Variants in RORB observed in about 807,000 individuals in gnomAD.
RORB encodes RAR related orphan receptor B.
Under a neutral mutation model 59.1 loss-of-function variants are expected in RORB, and 6 were observed. The observed-to-expected ratio is 0.10, with a 90% CI of 0.06 to 0.20. The LOEUF is 0.20. Ranked by LOEUF, RORB falls within the 10% of genes least tolerant of loss-of-function variation. The pLI is 1.00. For missense variants in RORB, 320 were observed against 560.5 expected (o/e 0.57, Z 4.33); for synonymous variants, 215 against 204.5 (o/e 1.05, Z -0.44).
chr9:74,619,442 G>A (rs1476829521), intron 1 of RORB, among the ~76,000 whole-genome samples: 3 of 152,108 alleles, frequency 2.0e-5, no homozygotes, highest in Non-Finnish European at 4.4e-5. Context: ...ATAAGTAGAT[G>A]TTGGCTGAGT....
At chr9:74,648,498 A>AGTAG (rs1180795486) in intron 4 of RORB, among the ~76,000 whole-genome samples, 3 of 152,212 alleles carry the variant, frequency 2.0e-5, no homozygotes, top group Admixed American at 6.5e-5. Flanking sequence ...CACAGATAAG[A>AGTAG]GTAGGGTAGA....
intron 1 of RORB, among the ~76,000 whole-genome samples, chr9:74,624,233 A>G (rs1003541515): frequency 6.6e-6 from 1 of 152,236 alleles, no homozygotes; most frequent in Non-Finnish European, 1.5e-5. Flanking sequence ...TTTAGGAGCT[A>G]TCAGCCATTG....
At chr9:74,550,848 A>G (rs966094661) in intron 1 of RORB, among the ~76,000 whole-genome samples, 1 of 152,236 alleles carries the variant, frequency 6.6e-6, no homozygotes, top group Non-Finnish European at 1.5e-5. Context: ...AAATGTGGCC[A>G]GTCCAAATTG....
At chr9:74,561,379 A>T (rs1482313773) in intron 1 of RORB, among the ~76,000 whole-genome samples, 6 of 152,156 alleles carry the variant, frequency 3.9e-5, no homozygotes, top group Admixed American at 3.9e-4. Flanking sequence ...TTTATAAATA[A>T]CATAAGCCTA....
intron 2 of RORB, among the ~76,000 whole-genome samples, chr9:74,633,249 G>T (rs896457454): frequency 6.6e-6 from 1 of 152,092 alleles, no homozygotes; most frequent in Non-Finnish European, 1.5e-5. Flanking sequence ...AATTTTAGGC[G>T]ACCTTTAAAT....
chr9:74,553,184 G>A lies in RORB; in HGVS notation c.7+55201G>A, dbSNP rs75873466. Among the ~76,000 whole-genome samples, 27 of 152,160 alleles carry A rather than the reference G, an allele frequency of 1.8e-4. No individual in the cohort carries two copies. The East Asian group carries it at 5.2e-3, about 29-fold the overall frequency. Reference sequence around the variant, plus strand: ...AGTGGAAGCAGGAAGACCAATTTTCGGTAGTCCTGGCGGGAGCAGATGGGT... The same window carrying A: ...AGTGGAAGCAGGAAGACCAATTTTCAGTAGTCCTGGCGGGAGCAGATGGGT... On this transcript the variant is annotated intron_variant, in intron 1 of 9. Coordinates refer to ENST00000376896, the MANE Select transcript of RORB (RefSeq NM_006914.4).
chr9:74,562,109 C>T (rs1336196203), intron 1 of RORB, among the ~76,000 whole-genome samples: 1 of 152,140 alleles, frequency 6.6e-6, no homozygotes, highest in African/African-American at 2.4e-5. Context: ...AGATCATTTG[C>T]TTAAGGTGGG....
chr9:74,578,512 C>T (rs1822670590), intron 1 of RORB, among the ~76,000 whole-genome samples: 1 of 152,102 alleles, frequency 6.6e-6, no homozygotes, highest in East Asian at 1.9e-4. Context: ...AACAAACCTG[C>T]ACATGTACCT....
At chr9:74,562,875 T>A (rs1443625109) in intron 1 of RORB, among the ~76,000 whole-genome samples, 1 of 152,240 alleles carries the variant, frequency 6.6e-6, no homozygotes. Context: ...TTTATCACTG[T>A]TGCTGTTTCA....
chr9:74,569,129 C>T (rs2118221389), intron 1 of RORB, among the ~76,000 whole-genome samples: 1 of 151,814 alleles, frequency 6.6e-6, no homozygotes, highest in Admixed American at 6.5e-5. Context: ...TCACCAGACA[C>T]AAATGAAAAA....
chr9:74,583,818 G>T (rs564860418), intron 1 of RORB, among the ~76,000 whole-genome samples: 1 of 152,314 alleles, frequency 6.6e-6, no homozygotes, highest in South Asian at 2.1e-4. Context: ...AATATGCTCA[G>T]TGTTAGTTCT....
At chr9:74,657,830 C>T (rs193271711) in intron 4 of RORB, among the ~76,000 whole-genome samples, 5 of 151,826 alleles carry the variant, frequency 3.3e-5, no homozygotes, top group African/African-American at 4.8e-5. Context: ...GGTGAGGAAA[C>T]CCTGTCTCTA....
intron 1 of RORB, among the ~76,000 whole-genome samples, chr9:74,584,298 G>C (rs752581010): frequency 1.3e-5 from 2 of 152,156 alleles, no homozygotes; most frequent in African/African-American, 4.8e-5. Flanking sequence ...AGAGTTCCTT[G>C]GGAGCCAGTC....
At chr9:74,653,535 G>A (rs1310484626) in intron 4 of RORB, among the ~76,000 whole-genome samples, 1 of 152,008 alleles carries the variant, frequency 6.6e-6, no homozygotes, top group African/African-American at 2.4e-5. Flanking sequence ...TCTTTCTCAG[G>A]AGGAAAAAAA....
chr9:74,658,570 G>A (rs888601217), intron 4 of RORB, among the ~76,000 whole-genome samples: 1 of 152,108 alleles, frequency 6.6e-6, no homozygotes, highest in Non-Finnish European at 1.5e-5. Flanking sequence ...CCTGAAGCCT[G>A]TAAATTACCA....
At chr9:74,674,614 G>C (rs543738227) in intron 9 of RORB, among the ~76,000 whole-genome samples, 1,538 of 152,304 alleles carry the variant, frequency 0.01, 35 homozygotes, top group African/African-American at 0.035. Context: ...AGTTCAGGTA[G>C]CAGTGCCTTC....
chr9:74,571,187 A>G (rs1310832881), intron 1 of RORB, among the ~76,000 whole-genome samples: 2 of 152,086 alleles, frequency 1.3e-5, no homozygotes, highest in African/African-American at 4.8e-5. Flanking sequence ...AATTACTATA[A>G]GCAAAATTAA....
At chr9:74,596,092 A>T (rs183820942) in intron 1 of RORB, among the ~76,000 whole-genome samples, 6 of 152,264 alleles carry the variant, frequency 3.9e-5, no homozygotes, top group Admixed American at 6.5e-5. Flanking sequence ...TCTTATTTTG[A>T]GTAATAAGAG....
At chr9:74,568,711 A>G (rs1688396168) in intron 1 of RORB, among the ~76,000 whole-genome samples, 1 of 151,692 alleles carries the variant, frequency 6.6e-6, no homozygotes, top group African/African-American at 2.4e-5. Flanking sequence ...AAAAAAAAAA[A>G]AAAGAAAAAA....
Sources: allele counts gnomAD v4.1 joint callset (sites outside exome capture counted in the v4.1 genomes callset), GRCh38; gene constraint gnomAD v4.1.1; transcripts MANE v1.5; gene names NCBI Gene and HGNC (gene_info 2026-07-23, HGNC 2026-07-21).